The following MAP4K4 variants were observed in gnomAD, a reference collection of about 807,000 sequenced individuals.
MAP4K4 encodes HPK/GCK-like kinase HGK.
MAP4K4 carries 38 observed loss-of-function variants against 189.6 expected under a neutral mutation model. The ratio of observed to expected loss-of-function variants is 0.20; its 90% CI spans 0.15 to 0.26. The LOEUF (loss-of-function observed/expected upper bound fraction) is 0.26. Ranked by LOEUF, MAP4K4 falls within the 10% of genes least tolerant of loss-of-function variation. The probability of loss-of-function intolerance (pLI) is 1.00; values close to 1 mark genes in which losing one functional copy is unlikely to be tolerated. For synonymous variants in MAP4K4, 610 were observed against 624.3 expected, an observed-to-expected ratio of 0.98 and a Z score of 0.34; for missense variants, 1,054 against 1,726.9, an observed-to-expected ratio of 0.61 and a Z score of 6.91.
intron 3 of MAP4K4, among the ~76,000 whole-genome samples, chr2:101,801,198 C>T (rs2094337118): frequency 6.6e-6 from 1 of 152,118 alleles, no homozygotes; most frequent in African/African-American, 2.4e-5. Flanking sequence ...TGCTTCCATT[C>T]CCTGTAAATG....
At chr2:101,786,863 A>G (rs1009451149) in intron 2 of MAP4K4, among the ~76,000 whole-genome samples, 1 of 152,226 alleles carries the variant, frequency 6.6e-6, no homozygotes, top group Non-Finnish European at 1.5e-5. Context: ...GGGGGCTTTT[A>G]AATCACTAAT....
chr2:101,827,938 C>T (rs2096436841), intron 5 of MAP4K4, among the ~76,000 whole-genome samples: 1 of 152,192 alleles, frequency 6.6e-6, no homozygotes, highest in South Asian at 2.1e-4. Context: ...GACTTGGCAT[C>T]TCTGCTAAGG....
At chr2:101,742,832 T>C (rs984404309) in intron 2 of MAP4K4, among the ~76,000 whole-genome samples, 2 of 152,186 alleles carry the variant, frequency 1.3e-5, no homozygotes, top group African/African-American at 4.8e-5. Context: ...TCTCCATAAA[T>C]AGAGTAGCAA....
At chr2:101,791,890 A>G (rs996541604) in intron 3 of MAP4K4, among the ~76,000 whole-genome samples, 5 of 152,222 alleles carry the variant, frequency 3.3e-5, no homozygotes, top group Admixed American at 2.6e-4. Flanking sequence ...GTTAAAGAGA[A>G]TAATGGGTAC....
intron 2 of MAP4K4, among the ~76,000 whole-genome samples, chr2:101,762,320 C>A (rs901031338): frequency 2.0e-5 from 3 of 152,160 alleles, no homozygotes. Flanking sequence ...CCTTAATCTT[C>A]GCTGTGGTGA....
chr2:101,821,337 T>A (rs1003954928), intron 3 of MAP4K4, among the ~76,000 whole-genome samples: 2 of 152,184 alleles, frequency 1.3e-5, no homozygotes, highest in Non-Finnish European at 2.9e-5. Context: ...AATGCATCAT[T>A]CATTAGGCAG....
At chr2:101,866,861 A>G (rs1394806399) in intron 19 of MAP4K4, among the ~76,000 whole-genome samples, 1 of 149,188 alleles carries the variant, frequency 6.7e-6, no homozygotes, top group South Asian at 2.2e-4. Flanking sequence ...ATTTGAACCC[A>G]TTTCTTTCGG....
chr2:101,842,247 A>C (rs995629348), intron 10 of MAP4K4, among the ~76,000 whole-genome samples: 9 of 152,068 alleles, frequency 5.9e-5, no homozygotes, highest in Admixed American at 4.6e-4. Flanking sequence ...ATCTTTTTGA[A>C]TTTTGCCATC....
exon 26 of MAP4K4, chr2:101,874,145 C>T (rs375209088): frequency 3.7e-5 from 60 of 1,613,922 alleles, no homozygotes; most frequent in Non-Finnish European, 5.1e-5. Flanking sequence ...CGGAAAGGCT[C>T]AGTGGTCAAT....
intron 12 of MAP4K4, among the ~76,000 whole-genome samples, chr2:101,847,998 A>C (rs2097162695): frequency 6.6e-6 from 1 of 152,214 alleles, no homozygotes; most frequent in South Asian, 2.1e-4. Flanking sequence ...TAGCATATTC[A>C]GTATAGTACC....
intron 5 of MAP4K4, among the ~76,000 whole-genome samples, chr2:101,827,223 G>A (rs1246344251): frequency 6.6e-6 from 1 of 152,100 alleles, no homozygotes; most frequent in South Asian, 2.1e-4. Flanking sequence ...TTTTTGAGAC[G>A]TAGCAAATCT....
chr2:101,705,374 A>G (rs2041765099), intron 2 of MAP4K4, among the ~76,000 whole-genome samples: 1 of 152,016 alleles, frequency 6.6e-6, no homozygotes, highest in South Asian at 2.1e-4. Context: ...TGTTGTCTGC[A>G]TCTCCCTGGG....
intron 2 of MAP4K4, among the ~76,000 whole-genome samples, chr2:101,734,583 C>G (rs574905489): frequency 1.3e-3 from 83 of 64,020 alleles, no homozygotes; most frequent in Middle Eastern, 0.011. Flanking sequence ...CCCATTTACC[C>G]GCGCACACAA....
At chr2:101,736,311 C>T (rs1448445025) in intron 2 of MAP4K4, among the ~76,000 whole-genome samples, 1 of 152,162 alleles carries the variant, frequency 6.6e-6, no homozygotes, top group Non-Finnish European at 1.5e-5. Flanking sequence ...AATGCGTGGC[C>T]CTCCTTATTT....
chr2:101,827,140 A>G (rs1452888647), intron 5 of MAP4K4, among the ~76,000 whole-genome samples: 1 of 152,174 alleles, frequency 6.6e-6, no homozygotes, highest in East Asian at 1.9e-4. Flanking sequence ...AGTAATCTCC[A>G]GTAACATTTA....
intron 2 of MAP4K4, among the ~76,000 whole-genome samples, chr2:101,761,228 T>A (rs748008938): frequency 6.6e-6 from 1 of 152,242 alleles, no homozygotes; most frequent in Non-Finnish European, 1.5e-5. Flanking sequence ...TCTTTTCTTT[T>A]GGTTTTGGTA....
intron 3 of MAP4K4, among the ~76,000 whole-genome samples, chr2:101,799,670 G>A (rs778200416): frequency 6.6e-6 from 1 of 151,230 alleles, no homozygotes; most frequent in Non-Finnish European, 1.5e-5. Flanking sequence ...GGCATCATCC[G>A]GGTTCACTGC....
chr2:101,835,017 A>G (rs116825037), intron 8 of MAP4K4, among the ~76,000 whole-genome samples: 1 of 152,220 alleles, frequency 6.6e-6, no homozygotes, highest in East Asian at 1.9e-4. Context: ...GGTCCCCATT[A>G]AAAAAGGTAT....
chr2:101,824,553 C>CGGT (rs1367898204), intron 4 of MAP4K4, among the ~76,000 whole-genome samples: 1 of 152,086 alleles, frequency 6.6e-6, no homozygotes. Flanking sequence ...TTTTTGAACA[C>CGGT]ATTTATATTC....
Sources: gnomAD v4.1 joint callset for allele counts (sites outside exome capture counted in the v4.1 genomes callset) on GRCh38, gnomAD v4.1.1 for gene constraint, MANE v1.5 for transcripts, NCBI Gene and HGNC (gene_info 2026-07-23, HGNC 2026-07-21) for gene names.